The following ANKRD44 variants were observed in gnomAD, a reference collection of about 807,000 sequenced individuals.
ANKRD44 encodes the protein ankyrin repeat domain 44.
In ANKRD44, 35 loss-of-function variants were observed where a neutral mutation model predicts 116.0. The ratio of observed to expected loss-of-function variants is 0.30; its 90% CI spans 0.23 to 0.40. The LOEUF is 0.40. ANKRD44 is among the 10% of genes least tolerant of loss of function. The pLI is 1.00. For missense variants in ANKRD44, 1,014 were observed against 1,242.6 expected (o/e 0.82, Z 2.77); for synonymous variants, 435 against 461.8 (o/e 0.94, Z 0.74).
chr2:197,119,100 T>G (rs577958630), intron 8 of ANKRD44, among the ~76,000 whole-genome samples: 76 of 152,286 alleles, frequency 5.0e-4, no homozygotes, highest in Non-Finnish European at 9.4e-4. Context: ...TGAAGAAAAT[T>G]TTCCCTAAGT....
intron 1 of ANKRD44, among the ~76,000 whole-genome samples, chr2:197,217,733 G>A (rs1440863351): frequency 6.6e-6 from 1 of 152,198 alleles, no homozygotes. Flanking sequence ...GGTAATAAAA[G>A]TATGAGAGCC....
chr2:197,284,953 C>G (rs181297870), intron 1 of ANKRD44, among the ~76,000 whole-genome samples: 34 of 151,446 alleles, frequency 2.2e-4, no homozygotes, highest in African/African-American at 8.2e-4. Flanking sequence ...TCACTACTTA[C>G]AATAGAAATA....
intron 2 of ANKRD44, among the ~76,000 whole-genome samples, chr2:197,162,870 G>T (rs147652285): frequency 6.6e-6 from 1 of 152,324 alleles, no homozygotes; most frequent in East Asian, 1.9e-4. Context: ...TGTCTTGCAG[G>T]AATAGAAAGA....
chr2:197,006,197 C>T (rs1244934449), intron 20 of ANKRD44, among the ~76,000 whole-genome samples: 1 of 152,148 alleles, frequency 6.6e-6, no homozygotes, highest in Non-Finnish European at 1.5e-5. Context: ...AATCCCAGCA[C>T]TTTGGGAGGC....
At chr2:197,309,004 G>A (rs1467096939) in intron 1 of ANKRD44, among the ~76,000 whole-genome samples, 1 of 152,138 alleles carries the variant, frequency 6.6e-6, no homozygotes, top group African/African-American at 2.4e-5. Context: ...GAAAATGAAG[G>A]GTTTGGGCTA....
At chr2:197,174,686 T>G (rs985954093) in intron 2 of ANKRD44, among the ~76,000 whole-genome samples, 5 of 152,224 alleles carry the variant, frequency 3.3e-5, no homozygotes, top group Admixed American at 1.3e-4. Flanking sequence ...CATGCGTTCC[T>G]AGCCAGTGCT....
downstream of ANKRD44, among the ~76,000 whole-genome samples, chr2:196,983,831 C>A (rs1041238889): frequency 1.3e-5 from 2 of 152,154 alleles, no homozygotes; most frequent in African/African-American, 4.8e-5. Flanking sequence ...GGCCAAGTGC[C>A]CCACCTTTGT....
At chr2:197,083,577 C>A in intron 13 of ANKRD44, 68 bp from the exon 14 acceptor site, 1 of 1,542,550 alleles carries the variant, frequency 6.5e-7, no homozygotes, top group Non-Finnish European at 8.8e-7. Context: ...GGCACTAGCA[C>A]TGGCAGCAGT....
exon 22 of ANKRD44, chr2:196,967,303 T>C: frequency 2.7e-6 from 1 of 370,874 alleles, no homozygotes; most frequent in East Asian, 7.5e-5. Flanking sequence ...GTTACTCCCT[T>C]TCCCTTCCCC....
chr2:196,987,398 T>C lies in ANKRD44; in HGVS notation c.*2193A>G. On this transcript the variant is annotated 3_prime_UTR_variant, in exon 28 of 28. Transcript: ENST00000282272. ...AAAATACAAAACATTCCACAGAACA[T>C]TTTCAGAATATACAAATATAAAAAG... 1.0e-6 allele frequency: 1 copy of C among 985,140 alleles called. No homozygotes were observed. The highest frequency in any genetic ancestry group is 1.2e-6 in the Non-Finnish European group (1 of 829,688). 61.0% of individuals were successfully genotyped at this position (985,140 alleles called of 1,614,324 possible). A position where few individuals can be genotyped will look rare whatever the true frequency, so the allele number is the denominator to read the frequency against.
intron 21 of ANKRD44, among the ~76,000 whole-genome samples, chr2:196,967,617 G>A (rs1166199437): frequency 2.0e-5 from 3 of 152,106 alleles, no homozygotes; most frequent in Admixed American, 1.3e-4. Context: ...ATGCAAACCG[G>A]TACAAACTAG....
At chr2:197,025,848 G>GA in intron 16 of ANKRD44, among the ~76,000 whole-genome samples, 1 of 152,072 alleles carries the variant, frequency 6.6e-6, no homozygotes, top group Non-Finnish European at 1.5e-5. Context: ...TCAGGAAGAG[G>GA]AAATAGTCAA....
intron 1 of ANKRD44, among the ~76,000 whole-genome samples, chr2:197,191,851 C>A (rs1241737502): frequency 6.6e-6 from 1 of 152,080 alleles, no homozygotes; most frequent in African/African-American, 2.4e-5. Context: ...CCTATTGATC[C>A]CTGAGGATCC....
At chr2:197,132,379 T>G (rs917067353) in intron 4 of ANKRD44, among the ~76,000 whole-genome samples, 1 of 152,256 alleles carries the variant, frequency 6.6e-6, no homozygotes. Context: ...TCTACTTTCT[T>G]GTCTATGGAG....
intron 1 of ANKRD44, among the ~76,000 whole-genome samples, chr2:197,223,463 T>G (rs1042130949): frequency 6.6e-6 from 1 of 152,244 alleles, no homozygotes; most frequent in South Asian, 2.1e-4. Context: ...TTATTCATGT[T>G]GATACACGCA....
chr2:197,286,273 T>C (rs541923240), intron 1 of ANKRD44, among the ~76,000 whole-genome samples: 2 of 152,342 alleles, frequency 1.3e-5, no homozygotes, highest in South Asian at 4.1e-4. Flanking sequence ...AATTCAAAGA[T>C]TTCCCTAAAT....
rs533153745 is a variant in ANKRD44, at chr2:197,055,334, G to A, written c.1650+23369C>T. Among the ~76,000 whole-genome samples, 14 of 151,974 alleles carry A rather than the reference G, an allele frequency of 9.2e-5. No homozygotes were observed. The South Asian group carries it at 2.9e-3, about 32-fold the overall frequency. Reference sequence around the variant, plus strand: ...TTAAGGTTTCTTTATATGTTCTGTAGGAGTTCTTCATATATTCTGGATACA... The same window carrying A: ...TTAAGGTTTCTTTATATGTTCTGTAAGAGTTCTTCATATATTCTGGATACA... On this transcript the variant is annotated intron_variant, in intron 16 of 27. Coordinates refer to ENST00000282272, the MANE Select transcript of ANKRD44 (RefSeq NM_001195144.2).
intron 2 of ANKRD44, among the ~76,000 whole-genome samples, chr2:197,164,050 A>G (rs1386089733): frequency 6.6e-6 from 1 of 152,122 alleles, no homozygotes; most frequent in Non-Finnish European, 1.5e-5. Flanking sequence ...ACTCTTCTCA[A>G]TCCCTCAAGA....
intron 1 of ANKRD44, among the ~76,000 whole-genome samples, chr2:197,208,216 A>T (rs2081251257): frequency 6.6e-6 from 1 of 152,212 alleles, no homozygotes; most frequent in Non-Finnish European, 1.5e-5. Flanking sequence ...CTAGTGGAGA[A>T]TGCTTGATAC....
Sources: allele counts gnomAD v4.1 joint callset (sites outside exome capture counted in the v4.1 genomes callset), GRCh38; gene constraint gnomAD v4.1.1; transcripts MANE v1.5; gene names NCBI Gene and HGNC (gene_info 2026-07-23, HGNC 2026-07-21).